Variants in ATXN2 observed in about 807,000 individuals in gnomAD.
ATXN2 encodes the protein ataxin 2.
In ATXN2, 37 loss-of-function variants were observed where a neutral mutation model predicts 138.6. The ratio of observed to expected loss-of-function variants is 0.27; its 90% CI spans 0.21 to 0.35. The LOEUF (loss-of-function observed/expected upper bound fraction) is 0.35. Ranked by LOEUF, ATXN2 falls within the 10% of genes least tolerant of loss-of-function variation. The pLI is 1.00. For missense variants in ATXN2, 1,216 were observed against 1,480.3 expected, an observed-to-expected ratio of 0.82 and a Z score of 2.93; for synonymous variants, 549 against 543.7, an observed-to-expected ratio of 1.01 and a Z score of -0.13.
At chr12:111,476,987 A>G (rs1403199044) in intron 18 of ATXN2, among the ~76,000 whole-genome samples, 1 of 152,170 alleles carries the variant, frequency 6.6e-6, no homozygotes, top group East Asian at 1.9e-4. Context: ...ATATATACAA[A>G]GATCAATACA....
intron 14 of ATXN2, among the ~76,000 whole-genome samples, chr12:111,491,367 C>T (rs142172378): frequency 1.1e-3 from 173 of 152,256 alleles, no homozygotes; most frequent in Non-Finnish European, 2.2e-3. Flanking sequence ...AATTCCTGGA[C>T]AAGTCATGGT....
At chr12:111,498,638 C>T (rs1878573927) in intron 14 of ATXN2, among the ~76,000 whole-genome samples, 1 of 152,042 alleles carries the variant, frequency 6.6e-6, no homozygotes, top group African/African-American at 2.4e-5. Context: ...GTTGATAATA[C>T]TCAAAGCAAT....
At chr12:111,564,408 G>T (rs1882873555) in intron 1 of ATXN2, among the ~76,000 whole-genome samples, 1 of 151,786 alleles carries the variant, frequency 6.6e-6, no homozygotes, top group Non-Finnish European at 1.5e-5. Context: ...AACCTGTTTT[G>T]GTCTGGCTTC....
At chr12:111,523,144 T>C (rs1347958956) in intron 6 of ATXN2, among the ~76,000 whole-genome samples, 1 of 150,388 alleles carries the variant, frequency 6.6e-6, no homozygotes, top group Non-Finnish European at 1.5e-5. Flanking sequence ...CTGGGCATGG[T>C]GGCAGCTACT....
At chr12:111,524,167 T>G (rs2135745863) in intron 6 of ATXN2, among the ~76,000 whole-genome samples, 1 of 152,348 alleles carries the variant, frequency 6.6e-6, no homozygotes, top group East Asian at 1.9e-4. Flanking sequence ...AGGTTATATA[T>G]GATTTGTTAA....
intron 1 of ATXN2, among the ~76,000 whole-genome samples, chr12:111,570,299 T>C (rs1883247669): frequency 6.6e-6 from 1 of 152,120 alleles, no homozygotes; most frequent in Admixed American, 6.6e-5. Context: ...AGACTATCAG[T>C]GGAGGAGAGG....
intron 5 of ATXN2, among the ~76,000 whole-genome samples, chr12:111,530,552 C>T (rs1039379238): frequency 1.3e-5 from 2 of 152,202 alleles, no homozygotes; most frequent in African/African-American, 2.4e-5. Flanking sequence ...CGGTGGCTCA[C>T]GCCTGTAATC....
At chr12:111,490,955 G>T (rs983521304) in intron 14 of ATXN2, among the ~76,000 whole-genome samples, 1 of 152,074 alleles carries the variant, frequency 6.6e-6, no homozygotes, top group African/African-American at 2.4e-5. Flanking sequence ...GTCCATCCCA[G>T]TGATTAGAAT....
At chr12:111,532,094 T>C (rs887458273) in intron 5 of ATXN2, among the ~76,000 whole-genome samples, 3 of 152,228 alleles carry the variant, frequency 2.0e-5, no homozygotes, top group Non-Finnish European at 2.9e-5. Flanking sequence ...CACATGCCTA[T>C]AATCCCAGCT....
chr12:111,521,869 T>C (rs1223125281), intron 6 of ATXN2, among the ~76,000 whole-genome samples: 2 of 152,140 alleles, frequency 1.3e-5, no homozygotes, highest in African/African-American at 4.8e-5. Context: ...CGTAAAAGAA[T>C]CAACCAATTG....
intron 5 of ATXN2, among the ~76,000 whole-genome samples, chr12:111,535,567 A>G (rs1365786300): frequency 6.6e-6 from 1 of 152,074 alleles, no homozygotes; most frequent in African/African-American, 2.4e-5. Flanking sequence ...GGTTGTGGTG[A>G]GCCAAGATCG....
intron 9 of ATXN2, among the ~76,000 whole-genome samples, chr12:111,517,241 G>A (rs996037135): frequency 6.6e-6 from 1 of 152,058 alleles, no homozygotes; most frequent in Non-Finnish European, 1.5e-5. Context: ...ACACACTTAA[G>A]TATCATATAT....
chr12:111,564,881 C>T (rs1262531569), intron 1 of ATXN2: 1 of 152,214 alleles, frequency 6.6e-6, no homozygotes, highest in African/African-American at 2.4e-5. Flanking sequence ...AGCTGCAACA[C>T]TCCAGTACTT....
chr12:111,476,003 G>C (rs775482932), intron 18 of ATXN2, among the ~76,000 whole-genome samples: 1 of 152,222 alleles, frequency 6.6e-6, no homozygotes, highest in Non-Finnish European at 1.5e-5. Flanking sequence ...CCAGGCTGGA[G>C]TACAGTGGTA....
chr12:111,496,939 GAA>G lies in ATXN2; in HGVS notation c.1936-8161_1936-8160del, dbSNP rs970036424. On this transcript the variant is annotated intron_variant, in intron 14 of 24. Coordinates refer to ENST00000673436, the MANE Select transcript of ATXN2 (RefSeq NM_001372574.1). The stretch of plus-strand genomic sequence containing the variant: ...GATCAATAAAACAGTAAATTGTTTT[GAA>G]GAGATAAACAAAACTGACAAACCTT... Among the ~76,000 whole-genome samples, 12 of 151,890 alleles carry G rather than the reference GAA, an allele frequency of 7.9e-5. 2 individuals are homozygous for G. Among genetic ancestry groups the G allele is most frequent in the African/African-American group, 2.9e-4 (12 of 41,418 alleles).
In ATXN2 at chr12:111,452,638, T is replaced by C; in HGVS notation, c.*174A>G. Reference sequence around the variant, plus strand: ...CAAGTTCCTAAATGCCTCTACTCGGTCCAAGTATCTTCCACTGCAAGTGAA... The same window carrying C: ...CAAGTTCCTAAATGCCTCTACTCGGCCCAAGTATCTTCCACTGCAAGTGAA... On this transcript the variant is annotated 3_prime_UTR_variant, in exon 25 of 25. Transcript: ENST00000673436. 1 of 756,470 alleles carries C rather than the reference T, an allele frequency of 1.3e-6. No homozygotes were observed. The highest frequency in any genetic ancestry group is 2.2e-6 in the Non-Finnish European group (1 of 451,948). 46.9% of individuals were successfully genotyped at this position (756,470 alleles called of 1,614,324 possible).
chr12:111,513,693 A>G (rs59829184), intron 10 of ATXN2, among the ~76,000 whole-genome samples, 154 bp from the exon 11 acceptor site: 15,498 of 151,776 alleles, frequency 0.1, 2,658 homozygotes, highest in African/African-American at 0.35. Context: ...AACACCATAC[A>G]TATTTTTTTG....
At chr12:111,475,163 G>C (rs959169702) in intron 18 of ATXN2, among the ~76,000 whole-genome samples, 3 of 151,396 alleles carry the variant, frequency 2.0e-5, no homozygotes, top group Admixed American at 2.0e-4. Flanking sequence ...GCAGTGAGCC[G>C]AGATCGCATC....
chr12:111,479,079 G>C (rs1264086528), intron 18 of ATXN2: 2 of 391,288 alleles, frequency 5.1e-6, no homozygotes, highest in Non-Finnish European at 9.0e-6. Context: ...CCATACCTCA[G>C]CAATTCCAAT....
Sources: allele counts gnomAD v4.1 joint callset (sites outside exome capture counted in the v4.1 genomes callset), GRCh38; gene constraint gnomAD v4.1.1; transcripts MANE v1.5; gene names NCBI Gene and HGNC (gene_info 2026-07-23, HGNC 2026-07-21).